TBC1D22A: variants seen among roughly 807,000 people sequenced by gnomAD.
TBC1D22A encodes TBC1 domain family member 22A, also known as putative GTPase activator.
Under a neutral mutation model 60.2 loss-of-function variants are expected in TBC1D22A, and 38 were observed. The ratio of observed to expected loss-of-function variants is 0.63; its 90% CI spans 0.49 to 0.83. The LOEUF (loss-of-function observed/expected upper bound fraction) is 0.83, where lower values mean the gene tolerates loss of function less well. TBC1D22A is among the 40% of genes least tolerant of loss of function. TBC1D22A has a pLI of 0.00. For synonymous variants in TBC1D22A, 302 were observed against 281.7 expected (o/e 1.07, Z -0.72); for missense variants, 628 against 701.0 (o/e 0.90, Z 1.18).
chr22:47,167,971 A>G (rs1352549666), intron 12 of TBC1D22A, among the ~76,000 whole-genome samples: 2 of 144,774 alleles, frequency 1.4e-5, no homozygotes, highest in African/African-American at 5.8e-5. Flanking sequence ...TGCTATCACT[A>G]TTATTATCCC....
intron 4 of TBC1D22A, among the ~76,000 whole-genome samples, chr22:46,798,528 T>C (rs184380947): frequency 6.6e-6 from 1 of 152,384 alleles, no homozygotes; most frequent in African/African-American, 2.4e-5. Context: ...CCAGGCTCTG[T>C]GGAACGCACT....
At chr22:46,857,925 C>G (rs992230276) in intron 4 of TBC1D22A, among the ~76,000 whole-genome samples, 6 of 152,186 alleles carry the variant, frequency 3.9e-5, no homozygotes, top group Non-Finnish European at 7.3e-5. Flanking sequence ...GTTATGCAGA[C>G]TGCTGCTATG....
intron 1 of TBC1D22A, among the ~76,000 whole-genome samples, chr22:46,783,752 A>G (rs1449425147): frequency 6.6e-6 from 1 of 152,194 alleles, no homozygotes; most frequent in Non-Finnish European, 1.5e-5. Flanking sequence ...GTTCATTCAC[A>G]TCTGCTATGG....
intron 11 of TBC1D22A, among the ~76,000 whole-genome samples, chr22:47,065,630 C>A (rs2063731716): frequency 2.0e-5 from 3 of 152,396 alleles, no homozygotes; most frequent in Non-Finnish European, 4.4e-5. Context: ...CTTAGCAGGC[C>A]TCGGAGTTGG....
chr22:46,797,398 CG>C, intron 3 of TBC1D22A, 45 bp from the exon 4 acceptor site: 1 of 1,600,954 alleles, frequency 6.2e-7, no homozygotes, highest in Non-Finnish European at 8.5e-7. Context: ...AACGTGTAGT[CG>C]GGAGGAGCGC....
intron 12 of TBC1D22A, among the ~76,000 whole-genome samples, chr22:47,130,460 A>C (rs1325578240): frequency 6.6e-6 from 1 of 152,188 alleles, no homozygotes; most frequent in Non-Finnish European, 1.5e-5. Flanking sequence ...ACATGTCTGG[A>C]TACCGCTGCC....
chr22:47,102,940 A>G (rs138739003), intron 11 of TBC1D22A, among the ~76,000 whole-genome samples: 2 of 152,000 alleles, frequency 1.3e-5, no homozygotes, highest in Non-Finnish European at 2.9e-5. Context: ...ATCACGTGCT[A>G]CTCAGGGCTG....
chr22:46,862,673 G>T (rs1257538022), intron 4 of TBC1D22A, among the ~76,000 whole-genome samples: 1 of 152,140 alleles, frequency 6.6e-6, no homozygotes, highest in African/African-American at 2.4e-5. Flanking sequence ...GGGTGTAGGG[G>T]GTTTCCCATC....
chr22:46,964,382 G>A (rs113553861), intron 8 of TBC1D22A, among the ~76,000 whole-genome samples: 1 of 152,152 alleles, frequency 6.6e-6, no homozygotes, highest in Non-Finnish European at 1.5e-5. Context: ...CAGAGCATGC[G>A]GCCTCTGCCA....
In TBC1D22A at chr22:46,990,736, T is replaced by C. The variant is rs1359918043; in HGVS notation, c.1126-6898T>C. ...ATGTGACTTAGTTGAAATCCTGCAG[T>C]TGGAACCTTTTCATCCCACTGCTCC... is the stretch of plus-strand genomic sequence containing the variant. On this transcript the variant is annotated intron_variant, in intron 9 of 12. Transcript: ENST00000337137. The surrounding 1 kb of genome is among the most constrained non-coding windows in gnomAD (Gnocchi z 4.6). Among the ~76,000 whole-genome samples the C allele has an allele frequency of 2.0e-5, 3 of 152,318 alleles. No individual in the cohort carries two copies. Among genetic ancestry groups the C allele is most frequent in the South Asian group, 4.1e-4 (2 of 4,820 alleles).
chr22:47,076,284 T>C (rs1270609629), intron 11 of TBC1D22A, among the ~76,000 whole-genome samples: 1 of 150,966 alleles, frequency 6.6e-6, no homozygotes. Context: ...ATAGCAATTC[T>C]CAACAAATTC....
At chr22:46,994,967 A>T (rs557300545) in intron 9 of TBC1D22A, among the ~76,000 whole-genome samples, 1 of 152,308 alleles carries the variant, frequency 6.6e-6, no homozygotes, top group East Asian at 1.9e-4. Context: ...AAATATACGA[A>T]AGCTCACAAT....
chr22:46,875,169 A>C (rs930629013), intron 4 of TBC1D22A, among the ~76,000 whole-genome samples: 1 of 152,228 alleles, frequency 6.6e-6, no homozygotes, highest in Admixed American at 6.5e-5. Flanking sequence ...AGAATGGGTG[A>C]ATGTGTAAAC....
At chr22:46,776,158 A>C (rs1202794944) in intron 1 of TBC1D22A, among the ~76,000 whole-genome samples, 1 of 152,220 alleles carries the variant, frequency 6.6e-6, no homozygotes, top group Non-Finnish European at 1.5e-5. Context: ...GATGACATTA[A>C]AGTGGACTTT....
intron 4 of TBC1D22A, among the ~76,000 whole-genome samples, chr22:46,845,862 C>T (rs1017683103): frequency 2.6e-5 from 4 of 152,296 alleles, no homozygotes; most frequent in African/African-American, 7.2e-5. Context: ...TCCTGCTTTG[C>T]GTTGGGTCGC....
At chr22:46,808,681 G>A (rs1386017757) in intron 4 of TBC1D22A, among the ~76,000 whole-genome samples, 2 of 151,990 alleles carry the variant, frequency 1.3e-5, no homozygotes, top group Admixed American at 6.6e-5. Context: ...TGCAAGCTCC[G>A]CCTCCTGAGT....
chr22:46,818,200 C>T (rs2085682806), intron 4 of TBC1D22A, among the ~76,000 whole-genome samples: 1 of 152,136 alleles, frequency 6.6e-6, no homozygotes, highest in Non-Finnish European at 1.5e-5. Flanking sequence ...CTGTAAGTTG[C>T]CTGTTCATTT....
intron 7 of TBC1D22A, among the ~76,000 whole-genome samples, chr22:46,904,142 T>TCTATCTGCCTACCTACCTACCTACCTAC (rs57116517): frequency 4.7e-4 from 63 of 134,570 alleles, no homozygotes; most frequent in African/African-American, 1.7e-3. Context: ...TATCTATCTA[T>TCTATCTGCCTACCTACCTACCTACCTAC]CTACCTACCT....
At chr22:47,108,515 C>G (rs900136820) in intron 11 of TBC1D22A, among the ~76,000 whole-genome samples, 1 of 152,132 alleles carries the variant, frequency 6.6e-6, no homozygotes, top group Non-Finnish European at 1.5e-5. Flanking sequence ...TATAGTGACA[C>G]AAGTAAGTCA....
Sources: gnomAD v4.1 joint callset for allele counts (sites outside exome capture counted in the v4.1 genomes callset) on GRCh38, gnomAD v4.1.1 for gene constraint, Gnocchi (gnomAD v3.1) non-coding constraint, MANE v1.5 for transcripts, NCBI Gene and HGNC (gene_info 2026-07-23, HGNC 2026-07-21) for gene names.